The following F13A1 variants were observed in gnomAD, a reference collection of about 807,000 sequenced individuals.
F13A1 encodes the protein FSF, A subunit.
A neutral mutation model predicts 80.1 loss-of-function variants in F13A1; 47 were observed. That is an observed-to-expected ratio of 0.59 (90% CI 0.46 to 0.75). F13A1 has a LOEUF of 0.75. F13A1 is among the 30% of genes least tolerant of loss of function. F13A1 has a pLI of 0.00. For missense variants in F13A1, 817 were observed against 930.4 expected (o/e 0.88, Z 1.59); for synonymous variants, 349 against 344.9 (o/e 1.01, Z -0.13).
intron 4 of F13A1, among the ~76,000 whole-genome samples, chr6:6,262,753 C>T (rs1191559478): frequency 6.6e-6 from 1 of 151,710 alleles, no homozygotes; most frequent in African/African-American, 2.4e-5. Flanking sequence ...TCACCTCATT[C>T]TTCTTCCATT....
In F13A1 at chr6:6,203,935, G is replaced by C. The variant is rs557092359; in HGVS notation, c.1113-6609C>G. Among the ~76,000 whole-genome samples the C allele has an allele frequency of 3.3e-5, 5 of 152,196 alleles. No homozygotes were observed. The South Asian group carries it at 1.0e-3, about 32-fold the overall frequency. Reference sequence around the variant, plus strand: ...AATAAACATGTATTAGGTTCCCTCCGAAACACTGAGGACTATTTATTTATT... The same window carrying C: ...AATAAACATGTATTAGGTTCCCTCCCAAACACTGAGGACTATTTATTTATT... On this transcript the variant is annotated intron_variant, in intron 8 of 14. Transcript: ENST00000264870.
At chr6:6,179,518 G>A (rs893466883) in intron 11 of F13A1, among the ~76,000 whole-genome samples, 4 of 152,152 alleles carry the variant, frequency 2.6e-5, no homozygotes, top group African/African-American at 9.7e-5. Flanking sequence ...ACTGAGCCAC[G>A]GATATGACGA....
Position 6,266,623 on chromosome 6 carries a change from C to T in F13A1, c.506G>A (p.Gly169Asp). The change falls in exon 4 of 15, where the codon GGC becomes GAC. Residue 169 changes from glycine (G) to aspartate (D), a missense_variant. Coordinates refer to ENST00000264870, the MANE Select transcript of F13A1 (RefSeq NM_000129.4). ...RMYVAVWTPY[G>D]VLRTSRNPET... ...TGGGTTTCGACTGGTTCGAAGTACGCCATAGGGAGTCCAGACAGCAACATA... is the reference window on the plus strand; with the variant it reads ...TGGGTTTCGACTGGTTCGAAGTACGTCATAGGGAGTCCAGACAGCAACATA... 1 of 1,614,170 alleles carries T rather than the reference C, an allele frequency of 6.2e-7. No individual in the cohort carries two copies. Among genetic ancestry groups the T allele is most frequent in the Non-Finnish European group, 8.5e-7 (1 of 1,180,024 alleles).
intron 4 of F13A1, among the ~76,000 whole-genome samples, chr6:6,266,289 T>C (rs1476127203): frequency 6.6e-6 from 1 of 152,228 alleles, no homozygotes. Context: ...TGGAGTACAG[T>C]GGCACAATCA....
At chr6:6,210,872 G>A (rs923266613) in intron 8 of F13A1, among the ~76,000 whole-genome samples, 7 of 152,122 alleles carry the variant, frequency 4.6e-5, no homozygotes, top group African/African-American at 1.7e-4. Flanking sequence ...GGGATTACAG[G>A]CATGCACCAC....
intron 14 of F13A1, 21 bp from the exon 15 acceptor site, chr6:6,145,793 G>A (rs1760267365): frequency 6.2e-7 from 1 of 1,613,842 alleles, no homozygotes; most frequent in Admixed American, 1.7e-5. Flanking sequence ...GGAAAAGAGA[G>A]GAGAGGTTGG....
chr6:6,253,858 T>C (rs1293665740), intron 4 of F13A1, among the ~76,000 whole-genome samples: 1 of 152,188 alleles, frequency 6.6e-6, no homozygotes, highest in Admixed American at 6.5e-5. Flanking sequence ...ACGTGGTGTT[T>C]TGACAGCTGG....
chr6:6,167,558 G>A lies in F13A1; in HGVS notation c.1808C>T (p.Ala603Val), dbSNP rs148207995. The A allele has an allele frequency of 4.0e-5, 65 of 1,613,910 alleles. No homozygotes were observed. The highest frequency in any genetic ancestry group is 2.7e-4 in the Admixed American group (16 of 59,992). ...GEYMGQLLEQ[A>V]SLHFFVTARI... is the part of the protein sequence containing the mutation. Reference sequence around the variant, plus strand: ...AGCTGTGACAAAGAAGTGCAGGGACGCTTGTTCCAGCAGCTGACCCATGTA... The same window carrying A: ...AGCTGTGACAAAGAAGTGCAGGGACACTTGTTCCAGCAGCTGACCCATGTA... The change falls in exon 13 of 15, where the codon GCG (alanine) becomes GTG (valine). Residue 603 changes from alanine to valine, a missense_variant. Ala to Val is a moderately conservative substitution (Grantham distance 64). Transcript: ENST00000264870.
At position 6,145,490 on chromosome 6, in the gene F13A1, T is replaced by C; in HGVS notation, c.*129A>G. 1 of 1,164,008 alleles carries C rather than the reference T, an allele frequency of 8.6e-7. No individual in the cohort carries two copies. Among genetic ancestry groups the C allele is most frequent in the South Asian group, 1.3e-5 (1 of 79,418 alleles). 72.1% of individuals were successfully genotyped at this position (1,164,008 alleles called of 1,614,324 possible). A position where few individuals can be genotyped will look rare whatever the true frequency, so the allele number is the denominator to read the frequency against. Reference sequence around the variant, plus strand: ...TTTGAAATATGTGGGATCTCCACTCTGGAGCCCTCTGCAGTCCTGTCTGGG... The same window carrying C: ...TTTGAAATATGTGGGATCTCCACTCCGGAGCCCTCTGCAGTCCTGTCTGGG... On this transcript the variant is annotated 3_prime_UTR_variant, in exon 15 of 15. Transcript: ENST00000264870.
At chr6:6,299,045 ATTCTT>A (rs1419976866) in intron 3 of F13A1, among the ~76,000 whole-genome samples, 2 of 147,018 alleles carry the variant, frequency 1.4e-5, no homozygotes, top group African/African-American at 5.4e-5. Flanking sequence ...GGGGTTGAAA[ATTCTT>A]TTCTTTAAGA....
intron 8 of F13A1, among the ~76,000 whole-genome samples, chr6:6,212,364 C>A (rs932908363): frequency 6.6e-6 from 1 of 152,146 alleles, no homozygotes. Context: ...CAAGTGGGTC[C>A]CTGACCCCTG....
At chr6:6,174,412 G>A (rs1760838508) in intron 12 of F13A1, among the ~76,000 whole-genome samples, 168 bp downstream of exon 12, 1 of 152,000 alleles carries the variant, frequency 6.6e-6, no homozygotes, top group Admixed American at 6.6e-5. Context: ...TAAAAAAAAA[G>A]AAAGTGGAGG....
intron 1 of F13A1, 46 bp downstream of exon 1, chr6:6,320,541 G>A (rs1056716962): frequency 2.5e-6 from 1 of 408,052 alleles, no homozygotes; most frequent in Non-Finnish European, 5.1e-6. Flanking sequence ...TGCAGAAGGT[G>A]GACGCAGCGG....
intron 8 of F13A1, among the ~76,000 whole-genome samples, chr6:6,203,744 C>T (rs755748685): frequency 2.0e-5 from 3 of 152,024 alleles, no homozygotes; most frequent in Non-Finnish European, 4.4e-5. Flanking sequence ...TAAGCTGTTA[C>T]GTTGTGGTAC....
intron 6 of F13A1, among the ~76,000 whole-genome samples, chr6:6,232,765 C>T (rs1330740617): frequency 6.6e-6 from 1 of 152,112 alleles, no homozygotes; most frequent in Non-Finnish European, 1.5e-5. Flanking sequence ...TCTCAGACCA[C>T]ACAGAAATAA....
At chr6:6,296,694 A>G (rs1009185948) in intron 3 of F13A1, among the ~76,000 whole-genome samples, 76 of 147,346 alleles carry the variant, frequency 5.2e-4, no homozygotes, top group Non-Finnish European at 5.2e-4. Flanking sequence ...GTCTGCAAAC[A>G]GGGACAATTT....
intron 8 of F13A1, among the ~76,000 whole-genome samples, chr6:6,209,751 G>T (rs1290294112): frequency 6.6e-6 from 1 of 152,174 alleles, no homozygotes; most frequent in African/African-American, 2.4e-5. Flanking sequence ...GACACAAAAG[G>T]TCACATATTA....
At chr6:6,220,965 A>G (rs1323003108) in intron 8 of F13A1, among the ~76,000 whole-genome samples, 1 of 152,246 alleles carries the variant, frequency 6.6e-6, no homozygotes, top group Non-Finnish European at 1.5e-5. Flanking sequence ...CCATTCCTGT[A>G]ACATGAAGTT....
chr6:6,190,635 G>A (rs898067358), intron 10 of F13A1, among the ~76,000 whole-genome samples: 3 of 151,966 alleles, frequency 2.0e-5, no homozygotes, highest in Non-Finnish European at 2.9e-5. Flanking sequence ...AAAGCTGTCA[G>A]ACAGGGACAT....
Sources: allele counts gnomAD v4.1 joint callset (sites outside exome capture counted in the v4.1 genomes callset), GRCh38; gene constraint gnomAD v4.1.1; transcripts MANE v1.5; gene names NCBI Gene and HGNC (gene_info 2026-07-23, HGNC 2026-07-21).